The following ANGPT2 variants were observed in gnomAD, a reference collection of about 807,000 sequenced individuals.
ANGPT2 encodes the protein angiopoietin 2.
In ANGPT2, 28 loss-of-function variants were observed where a neutral mutation model predicts 62.9. The observed-to-expected ratio is 0.44, with a 90% CI of 0.33 to 0.61. The LOEUF is 0.61. ANGPT2 is among the 20% of genes least tolerant of loss of function. ANGPT2 has a pLI of 0.03. For synonymous variants in ANGPT2, 284 were observed against 207.8 expected (o/e 1.37, Z -3.15); for missense variants, 727 against 594.9 (o/e 1.22, Z -2.31).
At chr8:6,504,798 TA>T (rs1254759537) in intron 8 of ANGPT2, among the ~76,000 whole-genome samples, 1 of 152,192 alleles carries the variant, frequency 6.6e-6, no homozygotes, top group Non-Finnish European at 1.5e-5. Flanking sequence ...GTTTACAAAC[TA>T]AACTTTGTAA....
intron 2 of ANGPT2, among the ~76,000 whole-genome samples, chr8:6,529,241 C>T (rs1457005488): frequency 1.3e-5 from 2 of 152,172 alleles, no homozygotes; most frequent in African/African-American, 2.4e-5. Context: ...CTCTCATTCC[C>T]TTTAAGATAT....
intron 8 of ANGPT2, among the ~76,000 whole-genome samples, chr8:6,506,641 T>A (rs1198129250): frequency 6.6e-6 from 1 of 152,042 alleles, no homozygotes; most frequent in Non-Finnish European, 1.5e-5. Flanking sequence ...AAAGGATGAT[T>A]GTGCCAGGAT....
chr8:6,521,789 C>T (rs1817390122), intron 3 of ANGPT2, among the ~76,000 whole-genome samples: 1 of 152,180 alleles, frequency 6.6e-6, no homozygotes, highest in African/African-American at 2.4e-5. Flanking sequence ...GGGAGAGTTT[C>T]AACTGGGCTG....
At chr8:6,512,015 G>A (rs1815232306) in intron 7 of ANGPT2, among the ~76,000 whole-genome samples, 1 of 151,142 alleles carries the variant, frequency 6.6e-6, no homozygotes, top group Non-Finnish European at 1.5e-5. Context: ...ATTCATTGAA[G>A]TTTTGATCTC....
chr8:6,517,834 T>C (rs1816564489), intron 5 of ANGPT2, among the ~76,000 whole-genome samples: 1 of 152,212 alleles, frequency 6.6e-6, no homozygotes, highest in South Asian at 2.1e-4. Context: ...CTGGATCAGA[T>C]TGTGACTTAC....
chr8:6,529,110 A>T (rs1818949350), intron 2 of ANGPT2, among the ~76,000 whole-genome samples: 1 of 152,212 alleles, frequency 6.6e-6, no homozygotes, highest in Non-Finnish European at 1.5e-5. Flanking sequence ...ATAAGTCATG[A>T]TTGGCCCAGT....
At chr8:6,505,580 ATTC>A (rs1443372211) in intron 8 of ANGPT2, among the ~76,000 whole-genome samples, 2 of 117,834 alleles carry the variant, frequency 1.7e-5, no homozygotes, top group African/African-American at 3.2e-5. Context: ...TAGAATGTAT[ATTC>A]TTTTTGTATA....
intron 1 of ANGPT2, among the ~76,000 whole-genome samples, chr8:6,538,105 C>A (rs540283515): frequency 1.3e-5 from 2 of 152,106 alleles, no homozygotes; most frequent in Non-Finnish European, 2.9e-5. Flanking sequence ...CACACACATA[C>A]ACGTTTTTCT....
At chr8:6,512,650 T>G (rs1237989098) in intron 7 of ANGPT2, among the ~76,000 whole-genome samples, 1 of 152,136 alleles carries the variant, frequency 6.6e-6, no homozygotes, top group Non-Finnish European at 1.5e-5. Flanking sequence ...TGTACCAGCA[T>G]TACTGTGCAT....
chr8:6,521,233 T>G lies in ANGPT2; in HGVS notation c.744A>C (p.Gln248His). 6.2e-7 allele frequency: 1 copy of G among 1,613,984 alleles called. No homozygotes were observed. Among genetic ancestry groups the G allele is most frequent in the Non-Finnish European group, 8.5e-7 (1 of 1,179,948 alleles). Residue 248 changes from glutamine (Q) to histidine (H), a missense_variant, in exon 4 of 9, where the codon CAA becomes CAC. Transcript: ENST00000629816. ...TATTAACTGTCTCCATGAGATCATG[T>G]TGCTGCTTCTGAAGAACTGAATTAT... The part of the protein sequence containing the change: ...TVNNSVLQKQ[Q>H]HDLMETVNNL...
intron 1 of ANGPT2, among the ~76,000 whole-genome samples, chr8:6,533,151 C>A (rs1380856586): frequency 6.6e-6 from 1 of 152,190 alleles, no homozygotes; most frequent in Non-Finnish European, 1.5e-5. Flanking sequence ...AACTTTTAAT[C>A]GCACCTTGGT....
At chr8:6,531,193 C>G (rs1270717449) in intron 2 of ANGPT2, among the ~76,000 whole-genome samples, 4 of 151,704 alleles carry the variant, frequency 2.6e-5, no homozygotes, top group Non-Finnish European at 5.9e-5. Flanking sequence ...TTCGCTGGGT[C>G]ACATGTTGTG....
chr8:6,525,796 A>G (rs971805673), intron 3 of ANGPT2, among the ~76,000 whole-genome samples: 2 of 152,214 alleles, frequency 1.3e-5, no homozygotes, highest in Admixed American at 1.3e-4. Flanking sequence ...TCTGTGACAA[A>G]AAAATACGAT....
chr8:6,504,234 C>G (rs1489634963), intron 8 of ANGPT2, among the ~76,000 whole-genome samples: 2 of 142,568 alleles, frequency 1.4e-5, no homozygotes, highest in Non-Finnish European at 3.0e-5. Flanking sequence ...AGGAGAATGG[C>G]GTGAACCCGG....
At chr8:6,506,604 G>T (rs1225740520) in intron 8 of ANGPT2, among the ~76,000 whole-genome samples, 1 of 152,122 alleles carries the variant, frequency 6.6e-6, no homozygotes, top group Non-Finnish European at 1.5e-5. Flanking sequence ...TCCTCCACCT[G>T]ACCCTTTCCC....
chr8:6,534,281 T>C (rs551724361), intron 1 of ANGPT2, among the ~76,000 whole-genome samples: 9 of 152,250 alleles, frequency 5.9e-5, no homozygotes, highest in South Asian at 2.1e-4. Flanking sequence ...TTACATGGCA[T>C]TGACATTGTG....
chr8:6,518,969 C>A (rs1282432902), intron 5 of ANGPT2, among the ~76,000 whole-genome samples: 2 of 151,998 alleles, frequency 1.3e-5, no homozygotes, highest in Non-Finnish European at 2.9e-5. Flanking sequence ...AGGAGTCAGG[C>A]TCTCTGAGTG....
chr8:6,513,489 C>T (rs1417844986), intron 7 of ANGPT2, among the ~76,000 whole-genome samples, 189 bp downstream of exon 7: 7 of 152,078 alleles, frequency 4.6e-5, no homozygotes, highest in Non-Finnish European at 5.9e-5. Context: ...CCCACCACCA[C>T]ACCTGGCTAA....
chr8:6,519,988 T>A lies in ANGPT2; in HGVS notation c.803A>T (p.Lys268Met). The A allele has an allele frequency of 1.2e-6, 2 of 1,613,366 alleles. No homozygotes were observed. Residue 268 changes from lysine (K) to methionine (M), a missense_variant, in exon 5 of 9, where the codon AAG (lysine) becomes ATG (methionine). Transcript: ENST00000629816. ...LLTMMSTSNS[K>M]DPTVAKEEQI... ...TTCTTCTTTAGCAACAGTGGGGTCC[T>A]TAGCTGCTTTTAAAAAATAGTAAGG... is the stretch of plus-strand genomic sequence containing the variant.
Sources: allele counts gnomAD v4.1 joint callset (sites outside exome capture counted in the v4.1 genomes callset), GRCh38; gene constraint gnomAD v4.1.1; transcripts MANE v1.5; gene names NCBI Gene and HGNC (gene_info 2026-07-23, HGNC 2026-07-21).